The following MARCHF10 variants were observed in gnomAD, a reference collection of about 807,000 sequenced individuals.
The protein encoded by MARCHF10 is probable E3 ubiquitin-protein ligase MARCHF10.
In MARCHF10, 64 loss-of-function variants were observed where a neutral mutation model predicts 76.2. The ratio of observed to expected loss-of-function variants is 0.84; its 90% CI spans 0.69 to 1.03. The LOEUF (loss-of-function observed/expected upper bound fraction) is 1.03. MARCHF10 is among the 50% of genes least tolerant of loss of function. The probability of loss-of-function intolerance (pLI) is 0.00; values close to 1 mark genes in which losing one functional copy is unlikely to be tolerated. For missense variants in MARCHF10, 875 were observed against 958.0 expected (o/e 0.91, Z 1.14); for synonymous variants, 340 against 357.5 (o/e 0.95, Z 0.55).
intron 2 of MARCHF10, among the ~76,000 whole-genome samples, chr17:62,796,610 C>T (rs1470941658): frequency 6.6e-6 from 1 of 152,176 alleles, no homozygotes; most frequent in Non-Finnish European, 1.5e-5. Context: ...TCATGAATGT[C>T]AAGGCAATTG....
At chr17:62,730,500 A>G (rs763451210) in intron 6 of MARCHF10, among the ~76,000 whole-genome samples, 6 of 152,380 alleles carry the variant, frequency 3.9e-5, no homozygotes, top group Admixed American at 6.5e-5. Flanking sequence ...TAGATAGTCT[A>G]TGACACACAT....
At chr17:62,762,884 G>A (rs973293681) in intron 3 of MARCHF10, among the ~76,000 whole-genome samples, 2 of 152,190 alleles carry the variant, frequency 1.3e-5, no homozygotes, top group African/African-American at 4.8e-5. Flanking sequence ...CACGCAGGGA[G>A]GATCGTCCTT....
intron 1 of MARCHF10, among the ~76,000 whole-genome samples, chr17:62,803,896 C>T (rs1369734636): frequency 6.6e-6 from 1 of 152,186 alleles, no homozygotes; most frequent in Non-Finnish European, 1.5e-5. Context: ...TCAATCTTCT[C>T]AACAACGCAG....
intron 3 of MARCHF10, among the ~76,000 whole-genome samples, chr17:62,785,237 C>A (rs1216404058): frequency 6.6e-6 from 1 of 152,202 alleles, no homozygotes; most frequent in African/African-American, 2.4e-5. Flanking sequence ...CTACAACCAT[C>A]TGATCTTTGA....
chr17:62,807,095 T>C (rs907063464), intron 1 of MARCHF10, among the ~76,000 whole-genome samples: 1 of 152,220 alleles, frequency 6.6e-6, no homozygotes, highest in Non-Finnish European at 1.5e-5. Context: ...AATTAGGTGA[T>C]TGGAGAAGGA....
At chr17:62,806,105 T>A (rs939574582) in intron 1 of MARCHF10, among the ~76,000 whole-genome samples, 1 of 152,094 alleles carries the variant, frequency 6.6e-6, no homozygotes, top group Non-Finnish European at 1.5e-5. Flanking sequence ...AAGAAAACGG[T>A]ATTAGTGTCA....
intron 1 of MARCHF10, among the ~76,000 whole-genome samples, chr17:62,803,283 G>A (rs1160520955): frequency 6.6e-6 from 1 of 151,764 alleles, no homozygotes; most frequent in Non-Finnish European, 1.5e-5. Context: ...GCAAGACCCT[G>A]TCTGTATTTA....
At chr17:62,801,458 C>T (rs953723820) in intron 2 of MARCHF10, among the ~76,000 whole-genome samples, 188 bp downstream of exon 2, 1 of 147,350 alleles carries the variant, frequency 6.8e-6, no homozygotes, top group Admixed American at 6.7e-5. Flanking sequence ...CAGCTATCCC[C>T]GTTTTTTTTT....
intron 5 of MARCHF10, among the ~76,000 whole-genome samples, chr17:62,741,536 G>C (rs542861994): frequency 3.0e-4 from 45 of 152,258 alleles, no homozygotes; most frequent in African/African-American, 1.1e-3. Flanking sequence ...TTCACTACTA[G>C]TATTACGTAT....
rs897541365 is a variant in MARCHF10, at chr17:62,711,379, G to A, written c.2215-35C>T. On this transcript the variant is annotated intron_variant, in intron 8 of 10. Transcript: ENST00000311269. The surrounding 1 kb of genome is among the most constrained non-coding windows in gnomAD (Gnocchi z 4.4). ...GAAAAGAAAGCTCTTCAGTTCATCTGTAAAATAGTCATGGTCTAAATTGTG... is the reference window on the plus strand; with the variant it reads ...GAAAAGAAAGCTCTTCAGTTCATCTATAAAATAGTCATGGTCTAAATTGTG... The A allele has an allele frequency of 6.3e-7, 1 of 1,588,742 alleles. No homozygotes were observed. Among genetic ancestry groups the A allele is most frequent in the East Asian group, 2.2e-5 (1 of 44,720 alleles).
chr17:62,736,436 G>A lies in MARCHF10; in HGVS notation c.1432C>T (p.His478Tyr). The A allele has an allele frequency of 6.2e-7, 1 of 1,614,166 alleles. No homozygotes were observed. The highest frequency in any genetic ancestry group is 8.5e-7 in the Non-Finnish European group (1 of 1,179,988). ...GGAATATCATCTCTCAGAGCAGAAT[G>A]CATGAATGATGCAGGAGGGTTATAG... ...SSYNPPASFM[H>Y]SALRDDIPVD... Residue 478 changes from histidine to tyrosine, a missense_variant, in exon 6 of 11, where the codon CAT (histidine) becomes TAT (tyrosine). Transcript: ENST00000311269.
intron 7 of MARCHF10, among the ~76,000 whole-genome samples, chr17:62,724,048 T>C (rs1198577367): frequency 2.0e-5 from 3 of 152,148 alleles, no homozygotes; most frequent in African/African-American, 7.2e-5. Flanking sequence ...GCCTGGATAG[T>C]GACGGCTAAG....
intron 3 of MARCHF10, among the ~76,000 whole-genome samples, chr17:62,769,686 T>G (rs1358489586): frequency 6.6e-6 from 1 of 152,218 alleles, no homozygotes; most frequent in South Asian, 2.1e-4. Flanking sequence ...AGTGCTGGGA[T>G]TGTAGGCGTC....
Position 62,736,728 on chromosome 17 carries a change from A to T in MARCHF10, c.1140T>A (p.Pro380=). The T allele has an allele frequency of 6.2e-7, 1 of 1,614,114 alleles. No individual in the cohort carries two copies. The highest frequency in any genetic ancestry group is 1.6e-4 in the Middle Eastern group (1 of 6,062). The change falls in exon 6 of 11, where the codon CCT becomes CCA. Residue 380 remains proline, a synonymous_variant. Coordinates refer to ENST00000311269, the MANE Select transcript of MARCHF10 (RefSeq NM_152598.4). ...CCTTCTCTGTAGCAGATTCCCTATC[A>T]GGCAGCCCGGGGTCTTGGGACAACC... ...GQRLSQDPGL[P]DRESATEKDR...
At chr17:62,797,629 C>A (rs1335596918) in intron 2 of MARCHF10, among the ~76,000 whole-genome samples, 2 of 152,162 alleles carry the variant, frequency 1.3e-5, no homozygotes, top group Non-Finnish European at 2.9e-5. Context: ...GGGAAGAAGA[C>A]GTTGGCAAAG....
intron 6 of MARCHF10, among the ~76,000 whole-genome samples, chr17:62,730,353 G>A (rs1025492684): frequency 3.9e-5 from 6 of 152,198 alleles, no homozygotes; most frequent in Admixed American, 3.9e-4. Flanking sequence ...AATTAGTAAG[G>A]AAAGGATAGA....
intron 10 of MARCHF10, among the ~76,000 whole-genome samples, chr17:62,703,674 G>GCGGGT (rs1171651025): frequency 1.3e-5 from 2 of 152,226 alleles, no homozygotes; most frequent in Non-Finnish European, 2.9e-5. Flanking sequence ...GGATCCTCCA[G>GCGGGT]CGGGTCCCAG....
chr17:62,779,128 A>G (rs2092608495), intron 3 of MARCHF10, among the ~76,000 whole-genome samples: 1 of 152,150 alleles, frequency 6.6e-6, no homozygotes. Context: ...TCGAGGGCGC[A>G]GAATCTGAGC....
intron 5 of MARCHF10, among the ~76,000 whole-genome samples, chr17:62,741,378 G>C (rs1229296212): frequency 6.6e-6 from 1 of 152,124 alleles, no homozygotes; most frequent in African/African-American, 2.4e-5. Flanking sequence ...TTTCTAAGAG[G>C]CTTTGACACG....
Sources: allele counts gnomAD v4.1 joint callset (sites outside exome capture counted in the v4.1 genomes callset), GRCh38; gene constraint gnomAD v4.1.1; non-coding constraint Gnocchi (gnomAD v3.1); transcripts MANE v1.5; gene names NCBI Gene and HGNC (gene_info 2026-07-23, HGNC 2026-07-21).